Variants in CMTM4 observed in about 807,000 individuals in gnomAD.
CMTM4 encodes the protein CKLF-like MARVEL transmembrane domain-containing protein 4.
CMTM4 carries 8 observed loss-of-function variants against 19.0 expected under a neutral mutation model. The observed-to-expected ratio is 0.42, with a 90% CI of 0.25 to 0.76. The LOEUF is 0.76. Ranked by LOEUF, CMTM4 falls within the 30% of genes least tolerant of loss-of-function variation. CMTM4 has a pLI of 0.27. For synonymous variants in CMTM4, 106 were observed against 121.1 expected (o/e 0.88, Z 0.82); for missense variants, 228 against 290.2 (o/e 0.79, Z 1.56).
At chr16:66,651,942 G>A (rs1325003137) in intron 1 of CMTM4, among the ~76,000 whole-genome samples, 1 of 152,190 alleles carries the variant, frequency 6.6e-6, no homozygotes, top group Non-Finnish European at 1.5e-5. Flanking sequence ...TGCAACCAAG[G>A]TGTTTGCATG....
downstream of CMTM4, among the ~76,000 whole-genome samples, chr16:66,610,668 C>T (rs1339274178): frequency 6.6e-6 from 1 of 152,142 alleles, no homozygotes; most frequent in Non-Finnish European, 1.5e-5. This position sits in a 1 kb window ranked among gnomAD's most constrained non-coding sequence, Gnocchi z 4.6. Flanking sequence ...AGACAGCAGG[C>T]GCTTCTGCCT....
chr16:66,621,740 C>A lies in CMTM4; in HGVS notation c.*318G>T. 8.9e-7 allele frequency: 1 copy of A among 1,127,428 alleles called. No individual in the cohort carries two copies. Among genetic ancestry groups the A allele is most frequent in the Non-Finnish European group, 1.1e-6 (1 of 915,666 alleles). 69.8% of individuals were successfully genotyped at this position (1,127,428 alleles called of 1,614,324 possible). ...CCCCTCTTAGCAGCCCCATTTAATC[C>A]AAAGTCTTGTTACAAATACACACGA... is the stretch of plus-strand genomic sequence containing the variant. On this transcript the variant is annotated 3_prime_UTR_variant, in exon 4 of 4. Coordinates refer to ENST00000394106, the MANE Select transcript of CMTM4 (RefSeq NM_181521.3).
At chr16:66,629,891 GC>G (rs1260560759) in intron 2 of CMTM4, among the ~76,000 whole-genome samples, 1 of 152,182 alleles carries the variant, frequency 6.6e-6, no homozygotes, top group Non-Finnish European at 1.5e-5. Context: ...AGAGGCTCCT[GC>G]ATCTGAGGCC....
chr16:66,657,569 G>A (rs889775707), intron 1 of CMTM4, among the ~76,000 whole-genome samples: 1 of 152,154 alleles, frequency 6.6e-6, no homozygotes, highest in Non-Finnish European at 1.5e-5. Context: ...AGACAGTAGA[G>A]GAAGGATAAA....
At chr16:66,671,354 A>C (rs1433281219) in intron 1 of CMTM4, among the ~76,000 whole-genome samples, 1 of 152,230 alleles carries the variant, frequency 6.6e-6, no homozygotes, top group Non-Finnish European at 1.5e-5. Flanking sequence ...GTGATGGTGA[A>C]GAGGCCGAAG....
At position 66,625,923 on chromosome 16, in the gene CMTM4, A is replaced by G. The variant is rs188637852; in HGVS notation, c.364-2421T>C. On this transcript the variant is annotated intron_variant, in intron 2 of 3. Coordinates refer to ENST00000394106, the MANE Select transcript of CMTM4 (RefSeq NM_181521.3). ...GAGTGCTCAGTGGCCACATGTGACA[A>G]GTGGCTGCCTCAAGGGCACAGCAGA... Among the ~76,000 whole-genome samples the G allele has an allele frequency of 3.9e-5, 6 of 152,350 alleles. No homozygotes were observed. In the East Asian group the frequency reaches 1.2e-3, roughly 29 times the overall value.
chr16:66,600,154 T>G, the CMTM4 span, among the ~76,000 whole-genome samples: 3 of 148,310 alleles, frequency 2.0e-5, no homozygotes, highest in Non-Finnish European at 4.5e-5. Context: ...TTGTTTTTTT[T>G]TTTTTTGAGA....
intron 1 of CMTM4, 110 bp from the exon 2 acceptor site, chr16:66,636,691 G>T: frequency 1.2e-6 from 1 of 853,780 alleles, no homozygotes; most frequent in Non-Finnish European, 1.8e-6. Flanking sequence ...CTGCCACTGA[G>T]TTTTCCTCTG....
the CMTM4 span, among the ~76,000 whole-genome samples, chr16:66,598,481 A>G: frequency 6.6e-6 from 1 of 152,228 alleles, no homozygotes; most frequent in Non-Finnish European, 1.5e-5. Flanking sequence ...TTGTAAGTAT[A>G]TAGTTTGATG....
chr16:66,658,628 T>C (rs1037842610), intron 1 of CMTM4, among the ~76,000 whole-genome samples: 4 of 152,156 alleles, frequency 2.6e-5, no homozygotes, highest in Admixed American at 6.6e-5. Flanking sequence ...CTCAGCACTA[T>C]TGGCATCTCA....
At position 66,671,091 on chromosome 16, in the gene CMTM4, TA is replaced by T. The variant is rs985268269; in HGVS notation, c.186+25248del. On this transcript the variant is annotated intron_variant, in intron 1 of 3. Coordinates refer to ENST00000394106, the MANE Select transcript of CMTM4 (RefSeq NM_181521.3). Reference sequence around the variant, plus strand: ...TTGCCATTTTGGAAAATATTCAAGATAAAAAAACTGATATTTATATTACAGA... The same window carrying T: ...TTGCCATTTTGGAAAATATTCAAGATAAAAAACTGATATTTATATTACAGA... 3.3e-5 allele frequency among the ~76,000 whole-genome samples: 5 copies of T among 152,142 alleles called. No individual in the cohort carries two copies. The East Asian group carries it at 9.6e-4, about 29-fold the overall frequency.
chr16:66,629,117 T>G (rs930870066), intron 2 of CMTM4, among the ~76,000 whole-genome samples: 1 of 152,136 alleles, frequency 6.6e-6, no homozygotes, highest in African/African-American at 2.4e-5. Context: ...AGCACTTGAG[T>G]TCCTGGGCCA....
intron 1 of CMTM4, among the ~76,000 whole-genome samples, chr16:66,685,499 C>A (rs570244130): frequency 1.7e-4 from 26 of 152,144 alleles, no homozygotes; most frequent in African/African-American, 5.8e-4. Flanking sequence ...CTGTACAGCA[C>A]GACTTTAGGC....
intron 1 of CMTM4, among the ~76,000 whole-genome samples, chr16:66,659,791 C>T (rs191455456): frequency 1.3e-5 from 2 of 152,140 alleles, no homozygotes; most frequent in East Asian, 3.9e-4. Flanking sequence ...AGGAGGGGAG[C>T]GTTGATTAAA....
intron 1 of CMTM4, among the ~76,000 whole-genome samples, chr16:66,687,262 T>C (rs2017051275): frequency 6.6e-6 from 1 of 151,876 alleles, no homozygotes; most frequent in Admixed American, 6.6e-5. Flanking sequence ...AAGAAAGTCA[T>C]GAAAAGTTAA....
chr16:66,646,615 T>C (rs2016206383), intron 1 of CMTM4, among the ~76,000 whole-genome samples: 1 of 152,134 alleles, frequency 6.6e-6, no homozygotes, highest in Non-Finnish European at 1.5e-5. Context: ...AAATGCCCTA[T>C]GTATGGACAC....
At chr16:66,689,599 G>C (rs1272062867) in intron 1 of CMTM4, among the ~76,000 whole-genome samples, 2 of 152,076 alleles carry the variant, frequency 1.3e-5, no homozygotes, top group Admixed American at 1.3e-4. Flanking sequence ...TAGAGAAGGG[G>C]ATTCACCATG....
chr16:66,675,984 C>T (rs140560265), intron 1 of CMTM4, among the ~76,000 whole-genome samples: 5 of 152,056 alleles, frequency 3.3e-5, no homozygotes, highest in African/African-American at 1.2e-4. Flanking sequence ...CTCTGCCACC[C>T]AAGGAACTGG....
At chr16:66,688,551 C>T (rs1365574145) in intron 1 of CMTM4, among the ~76,000 whole-genome samples, 1 of 151,680 alleles carries the variant, frequency 6.6e-6, no homozygotes, top group African/African-American at 2.4e-5. Flanking sequence ...CACACACACA[C>T]ATTCTACCCT....
Sources: gnomAD v4.1 joint callset for allele counts (sites outside exome capture counted in the v4.1 genomes callset) on GRCh38, gnomAD v4.1.1 for gene constraint, Gnocchi (gnomAD v3.1) non-coding constraint, MANE v1.5 for transcripts, NCBI Gene and HGNC (gene_info 2026-07-23, HGNC 2026-07-21) for gene names.